ADAMTS12: variants seen among roughly 807,000 people sequenced by gnomAD.
ADAMTS12 encodes A disintegrin and metalloproteinase with thrombospondin motifs 12.
A neutral mutation model predicts 167.8 loss-of-function variants in ADAMTS12; 118 were observed. The observed-to-expected ratio is 0.70, with a 90% confidence interval of 0.61 to 0.82. The LOEUF (loss-of-function observed/expected upper bound fraction) is 0.82, where lower values mean the gene tolerates loss of function less well. Ranked by LOEUF, ADAMTS12 falls within the 40% of genes least tolerant of loss-of-function variation. The pLI, the probability that ADAMTS12 is intolerant of heterozygous loss-of-function variation, is 0.00. For missense variants in ADAMTS12, 1,916 were observed against 1,998.8 expected (o/e 0.96, Z 0.79); for synonymous variants, 704 against 716.9 (o/e 0.98, Z 0.29).
rs145230815 is a variant in ADAMTS12 at position 33,524,020 on chromosome 5, A to T, written c.*3168T>A. 30 of 152,324 alleles carry T rather than the reference A, an allele frequency of 2.0e-4. No individual in the cohort carries two copies. The highest frequency in any genetic ancestry group is 6.0e-4 in the African/African-American group (25 of 41,550). 9.4% of individuals were successfully genotyped at this position (152,324 alleles called of 1,614,324 possible). A position where few individuals can be genotyped will look rare whatever the true frequency, so the allele number is the denominator to read the frequency against. ...GGAAGATTTTAGTCAACTAAATGGG[A>T]TGTTATTATCTAAAACAATATAATC... On this transcript the variant is annotated 3_prime_UTR_variant, in exon 24 of 24. Coordinates refer to ENST00000504830, the MANE Select transcript of ADAMTS12 (RefSeq NM_030955.4).
rs191027307 is a variant in ADAMTS12, at chr5:33,838,507, A to G, written c.489+42612T>C. 1.7e-3 allele frequency among the ~76,000 whole-genome samples: 254 copies of G among 152,250 alleles called. 1 individual carries two copies. The highest frequency in any genetic ancestry group is 5.8e-3 in the African/African-American group (239 of 41,536). ...AGACCAGCCTGGCCAACATAGTGTA[A>G]CCCCATCTCTACTAAAAATACAAAA... On this transcript the variant is annotated intron_variant, in intron 2 of 23. Transcript: ENST00000504830.
intron 3 of ADAMTS12, among the ~76,000 whole-genome samples, chr5:33,710,901 G>A (rs975161460): frequency 6.6e-6 from 1 of 152,154 alleles, no homozygotes; most frequent in Admixed American, 6.5e-5. Flanking sequence ...TTTTCAGAAA[G>A]AGGATTGGTT....
At chr5:33,567,516 G>A (rs1399076641) in intron 19 of ADAMTS12, among the ~76,000 whole-genome samples, 1 of 152,220 alleles carries the variant, frequency 6.6e-6, no homozygotes, top group African/African-American at 2.4e-5. Flanking sequence ...GAAAGGTACT[G>A]GCAGGTGCCT....
intron 3 of ADAMTS12, among the ~76,000 whole-genome samples, chr5:33,702,470 T>C (rs1185625061): frequency 1.3e-5 from 2 of 152,234 alleles, no homozygotes; most frequent in Admixed American, 6.5e-5. Flanking sequence ...TGCATAGTGG[T>C]GTAGACAGGA....
intron 2 of ADAMTS12, among the ~76,000 whole-genome samples, chr5:33,833,374 A>C (rs1283532346): frequency 6.6e-6 from 1 of 152,174 alleles, no homozygotes; most frequent in Non-Finnish European, 1.5e-5. Flanking sequence ...GGTCATAATC[A>C]TTGCAACATG....
intron 1 of ADAMTS12, among the ~76,000 whole-genome samples, chr5:33,881,733 TG>T (rs369113440): frequency 3.4e-4 from 43 of 127,260 alleles, no homozygotes; most frequent in African/African-American, 1.0e-3. Flanking sequence ...TGGCTAATTT[TG>T]TTTTTTTTTT....
chr5:33,849,553 C>CTGCATAGCAATACACATGTGTAT (rs1164868046), intron 2 of ADAMTS12, among the ~76,000 whole-genome samples: 18 of 106,326 alleles, frequency 1.7e-4, no homozygotes, highest in South Asian at 5.6e-4. Flanking sequence ...CATATATGTA[C>CTGCATAGCAATACACATGTGTAT]TGCATAGCAA....
chr5:33,697,335 T>C (rs930596118), intron 3 of ADAMTS12, among the ~76,000 whole-genome samples: 5 of 152,190 alleles, frequency 3.3e-5, no homozygotes, highest in African/African-American at 1.2e-4. Flanking sequence ...CTAAGAGTGA[T>C]GAGAGGCATT....
chr5:33,585,317 T>A (rs1747291878), intron 18 of ADAMTS12, among the ~76,000 whole-genome samples: 1 of 152,200 alleles, frequency 6.6e-6, no homozygotes, highest in African/African-American at 2.4e-5. Flanking sequence ...AACTGAAAGC[T>A]TCATCAAAAT....
chr5:33,760,033 T>TTCAGCAAATCTAGCGTGAGAC (rs1352587557), intron 2 of ADAMTS12, among the ~76,000 whole-genome samples: 3 of 152,156 alleles, frequency 2.0e-5, no homozygotes, highest in African/African-American at 7.2e-5. Context: ...TGCGCAGAGA[T>TTCAGCAAATCTAGCGTGAGAC]TCAGCAAATC....
At chr5:33,634,029 C>T (rs1740078725) in intron 12 of ADAMTS12, among the ~76,000 whole-genome samples, 1 of 152,108 alleles carries the variant, frequency 6.6e-6, no homozygotes, top group Non-Finnish European at 1.5e-5. Context: ...AAGAGATGAA[C>T]TTACCGAATC....
At chr5:33,587,880 A>G (rs182309735) in intron 18 of ADAMTS12, among the ~76,000 whole-genome samples, 9 of 152,328 alleles carry the variant, frequency 5.9e-5, no homozygotes, top group Admixed American at 5.9e-4. Flanking sequence ...ACTGAACTGC[A>G]CATAGAGAAG....
Position 33,751,655 on chromosome 5 carries a change from C to T in ADAMTS12, c.490-107G>A, listed in dbSNP as rs370666017. 5.5e-5 allele frequency: 60 copies of T among 1,087,308 alleles called. No individual in the cohort carries two copies. The African/African-American group carries it at 7.1e-4, about 13-fold the overall frequency. 67.4% of individuals were successfully genotyped at this position (1,087,308 alleles called of 1,614,324 possible). On this transcript the variant is annotated intron_variant, in intron 2 of 23. Coordinates refer to ENST00000504830, the MANE Select transcript of ADAMTS12 (RefSeq NM_030955.4). ...ATGAGTATCTCTGAAACTCCTAAGA[C>T]CAGTGCTTTCAGAGTCTGCTGTTCG... is the stretch of plus-strand genomic sequence containing the variant.
intron 21 of ADAMTS12, among the ~76,000 whole-genome samples, chr5:33,548,138 C>A (rs1745072802): frequency 6.6e-6 from 1 of 152,218 alleles, no homozygotes; most frequent in Non-Finnish European, 1.5e-5. Flanking sequence ...GGTTGGGATT[C>A]TCTGCCTTCC....
chr5:33,873,167 A>T (rs959028821), intron 2 of ADAMTS12, among the ~76,000 whole-genome samples: 9 of 127,894 alleles, frequency 7.0e-5, no homozygotes, highest in East Asian at 2.2e-4. Context: ...ATGTAGATTT[A>T]AAAAAAAAAA....
At chr5:33,624,581 T>C (rs1739491290) in intron 13 of ADAMTS12, among the ~76,000 whole-genome samples, 1 of 152,232 alleles carries the variant, frequency 6.6e-6, no homozygotes, top group Non-Finnish European at 1.5e-5. Flanking sequence ...GTGAGGTCTC[T>C]AATTTCCCGA....
At position 33,676,507 on chromosome 5, in the gene ADAMTS12, G is replaced by A. The variant is rs984667488; in HGVS notation, c.915+6511C>T. 2.0e-5 allele frequency among the ~76,000 whole-genome samples: 3 copies of A among 150,394 alleles called. No homozygotes were observed. The East Asian group carries it at 6.0e-4, about 30-fold the overall frequency. On this transcript the variant is annotated intron_variant, in intron 5 of 23. Transcript: ENST00000504830. ...AAGGTTCAAGACCAGCTTGGGCAAC[G>A]TAGTGAGACCCCATCTTTAAAAAAA...
At chr5:33,787,089 T>C (rs1389837956) in intron 2 of ADAMTS12, among the ~76,000 whole-genome samples, 1 of 152,204 alleles carries the variant, frequency 6.6e-6, no homozygotes, top group Admixed American at 6.5e-5. Context: ...AATTCAGTGA[T>C]TATAAGACTA....
At chr5:33,549,015 G>T (rs1745119461) in intron 21 of ADAMTS12, among the ~76,000 whole-genome samples, 192 bp downstream of exon 21, 1 of 152,194 alleles carries the variant, frequency 6.6e-6, no homozygotes, top group African/African-American at 2.4e-5. Flanking sequence ...TCTCCACCGT[G>T]GAATTTTTTC....
Sources: gnomAD v4.1 joint callset for allele counts (sites outside exome capture counted in the v4.1 genomes callset) on GRCh38, gnomAD v4.1.1 for gene constraint, MANE v1.5 for transcripts, NCBI Gene and HGNC (gene_info 2026-07-23, HGNC 2026-07-21) for gene names.